Variants in KALRN observed in about 807,000 individuals in gnomAD.
KALRN encodes kalirin.
In KALRN, 70 loss-of-function variants were observed where a neutral mutation model predicts 353.7. That is an observed-to-expected ratio of 0.20 (90% CI 0.16 to 0.24). The LOEUF (loss-of-function observed/expected upper bound fraction) is 0.24. Among genes scored for constraint, KALRN ranks in the 10% least tolerant of loss-of-function variants. The pLI is 1.00. For synonymous variants in KALRN, 1,391 were observed against 1,434.8 expected (o/e 0.97, Z 0.69); for missense variants, 2,791 against 3,756.7 (o/e 0.74, Z 6.72).
intron 34 of KALRN, among the ~76,000 whole-genome samples, chr3:124,604,246 C>A (rs2077095893): frequency 6.6e-6 from 1 of 152,086 alleles, no homozygotes; most frequent in Admixed American, 6.5e-5. Flanking sequence ...GATGCGCGCA[C>A]CCACTAACTC....
chr3:124,699,807 G>C, intron 55 of KALRN, 62 bp from the exon 56 acceptor site: 1 of 1,500,500 alleles, frequency 6.7e-7, no homozygotes, highest in Non-Finnish European at 9.2e-7. Flanking sequence ...GTTTGCTGAA[G>C]GTCTTTGAAA....
At chr3:124,141,293 C>T (rs1261024860) in intron 1 of KALRN, among the ~76,000 whole-genome samples, 3 of 152,186 alleles carry the variant, frequency 2.0e-5, no homozygotes, top group African/African-American at 7.2e-5. Flanking sequence ...TAGCCCTGGT[C>T]GAAGATTAGA....
intron 33 of KALRN, chr3:124,518,748 A>G (rs1577676501): frequency 3.7e-6 from 5 of 1,361,122 alleles, no homozygotes; most frequent in South Asian, 3.3e-5. Flanking sequence ...GAGAGGCCCA[A>G]TGGCCCAATG....
chr3:124,063,248 G>T (rs766704838), intron 1 of KALRN, among the ~76,000 whole-genome samples: 9 of 152,192 alleles, frequency 5.9e-5, no homozygotes, highest in African/African-American at 2.2e-4. Context: ...AGGGTTCAGC[G>T]TCTTTAATCA....
At chr3:124,708,615 G>A (rs914412421) in intron 57 of KALRN, among the ~76,000 whole-genome samples, 3 of 151,974 alleles carry the variant, frequency 2.0e-5, no homozygotes, top group East Asian at 1.9e-4. Context: ...AATATTAGAC[G>A]TAACCCCAGG....
intron 33 of KALRN, among the ~76,000 whole-genome samples, chr3:124,524,145 C>G (rs1316722265): frequency 6.6e-6 from 1 of 152,178 alleles, no homozygotes; most frequent in Non-Finnish European, 1.5e-5. Flanking sequence ...ATCCGGATGT[C>G]TTCTCTATGT....
At chr3:124,624,942 T>G (rs1013284325) in intron 34 of KALRN, among the ~76,000 whole-genome samples, 2 of 152,188 alleles carry the variant, frequency 1.3e-5, no homozygotes, top group African/African-American at 4.8e-5. Context: ...ACACAGAACT[T>G]TGAAGCTAAA....
Position 124,237,098 on chromosome 3 carries a change from G to A in KALRN, c.263+2155G>A, listed in dbSNP as rs932997265. ...AATGGCTGTTGGATGGAACAGGATTGTTCTAAAGACAGTGAAGTTTGGGGT... is the reference window on the plus strand; with the variant it reads ...AATGGCTGTTGGATGGAACAGGATTATTCTAAAGACAGTGAAGTTTGGGGT... On this transcript the variant is annotated intron_variant, in intron 3 of 59. Transcript: ENST00000682506. 1.2e-4 allele frequency among the ~76,000 whole-genome samples: 18 copies of A among 152,348 alleles called. 1 individual carries two copies. The East Asian group carries it at 2.9e-3, about 24-fold the overall frequency.
intron 58 of KALRN, among the ~76,000 whole-genome samples, chr3:124,715,165 T>C (rs920608561): frequency 9.2e-5 from 14 of 152,136 alleles, no homozygotes; most frequent in African/African-American, 3.1e-4. Flanking sequence ...TTGGAGAAGA[T>C]TGCTGTGAGA....
chr3:124,606,508 A>T (rs754324696), intron 34 of KALRN, among the ~76,000 whole-genome samples: 16 of 152,196 alleles, frequency 1.1e-4, no homozygotes, highest in Non-Finnish European at 2.1e-4. Context: ...CATAAATTTG[A>T]TTTATAAAAT....
At chr3:124,213,501 T>A (rs903112003) in intron 1 of KALRN, among the ~76,000 whole-genome samples, 13 of 152,108 alleles carry the variant, frequency 8.5e-5, no homozygotes, top group African/African-American at 1.4e-4. Flanking sequence ...ATTATTTATC[T>A]TTTTTAAAAA....
intron 33 of KALRN, among the ~76,000 whole-genome samples, chr3:124,537,501 G>A (rs2068629979): frequency 2.0e-5 from 3 of 152,204 alleles, no homozygotes; most frequent in African/African-American, 4.8e-5. Flanking sequence ...TGCTGGTGGT[G>A]ATGATGCAGA....
intron 34 of KALRN, among the ~76,000 whole-genome samples, chr3:124,614,913 G>T (rs1260149517): frequency 6.6e-6 from 1 of 152,196 alleles, no homozygotes; most frequent in African/African-American, 2.4e-5. Flanking sequence ...CTTCAATGGA[G>T]TAGAAAATTA....
At chr3:124,305,302 C>A (rs58249654) in intron 6 of KALRN, among the ~76,000 whole-genome samples, 1 of 152,020 alleles carries the variant, frequency 6.6e-6, no homozygotes, top group East Asian at 1.9e-4. Context: ...GATCCATTGG[C>A]GACATAGGCA....
At chr3:124,520,533 C>G (rs1012430861) in intron 33 of KALRN, among the ~76,000 whole-genome samples, 21 of 152,138 alleles carry the variant, frequency 1.4e-4, no homozygotes, top group Non-Finnish European at 2.8e-4. Context: ...TGAGATGGAA[C>G]AGTTTCATCC....
chr3:124,304,307 A>G (rs535204107), intron 6 of KALRN, among the ~76,000 whole-genome samples: 3 of 152,288 alleles, frequency 2.0e-5, no homozygotes, highest in Admixed American at 2.0e-4. Flanking sequence ...TTTTTTGTCA[A>G]AGAATCACAT....
At chr3:124,535,547 T>C (rs1485088026) in intron 33 of KALRN, among the ~76,000 whole-genome samples, 1 of 152,234 alleles carries the variant, frequency 6.6e-6, no homozygotes, top group Non-Finnish European at 1.5e-5. Context: ...ATTAGCTCTC[T>C]GGTATTCCCC....
At position 124,268,917 on chromosome 3, in the gene KALRN, G is replaced by A; in HGVS notation, c.631G>A (p.Glu211Lys). The A allele has an allele frequency of 6.2e-7, 1 of 1,614,108 alleles. No homozygotes were observed. The highest frequency in any genetic ancestry group is 1.3e-5 in the African/African-American group (1 of 75,030). Reference sequence around the variant, plus strand: ...GCTCTCGCGCCTCGAGGACCTCCAGGAGATGCTAGCCCGGAAGGAGTTTCC... The same window carrying A: ...GCTCTCGCGCCTCGAGGACCTCCAGAAGATGCTAGCCCGGAAGGAGTTTCC... ...HLLSRLEDLQ[E>K]MLARKEFPVD... Residue 211 changes from glutamate to lysine, a missense_variant, in exon 5 of 60, where the codon GAG (glutamate) becomes AAG (lysine). Coordinates refer to ENST00000682506, the MANE Select transcript of KALRN (RefSeq NM_001388419.1).
chr3:124,508,437 C>T (rs561255988), intron 33 of KALRN, among the ~76,000 whole-genome samples: 5 of 152,224 alleles, frequency 3.3e-5, no homozygotes, highest in African/African-American at 4.8e-5. Context: ...TACATATATC[C>T]TTTTGTGTCT....
Sources: gnomAD v4.1 joint callset for allele counts (sites outside exome capture counted in the v4.1 genomes callset) on GRCh38, gnomAD v4.1.1 for gene constraint, MANE v1.5 for transcripts, NCBI Gene and HGNC (gene_info 2026-07-23, HGNC 2026-07-21) for gene names.